FRMD4A: variants seen among roughly 807,000 people sequenced by gnomAD.
FRMD4A encodes FERM domain-containing protein 4A.
A neutral mutation model predicts 129.1 loss-of-function variants in FRMD4A; 29 were observed. That is an observed-to-expected ratio of 0.22 (90% CI 0.17 to 0.31). The LOEUF (loss-of-function observed/expected upper bound fraction) is 0.31. FRMD4A is among the 10% of genes least tolerant of loss of function. The pLI, the probability that FRMD4A is intolerant of heterozygous loss-of-function variation, is 1.00. For synonymous variants in FRMD4A, 634 were observed against 571.6 expected (o/e 1.11, Z -1.56); for missense variants, 1,272 against 1,375.8 (o/e 0.92, Z 1.19).
At chr10:14,221,331 A>G (rs544263018) in intron 2 of FRMD4A, among the ~76,000 whole-genome samples, 3 of 152,152 alleles carry the variant, frequency 2.0e-5, no homozygotes, top group Non-Finnish European at 4.4e-5. Flanking sequence ...GCTTTGGGGA[A>G]GGGAGCCAAG....
intron 2 of FRMD4A, among the ~76,000 whole-genome samples, chr10:14,214,236 C>T (rs530202851): frequency 6.6e-6 from 1 of 152,302 alleles, no homozygotes; most frequent in Non-Finnish European, 1.5e-5. Context: ...GAAATGACAC[C>T]TCCTAGAGAA....
At chr10:13,871,431 A>G (rs553398874) in intron 2 of FRMD4A, among the ~76,000 whole-genome samples, 1 of 152,224 alleles carries the variant, frequency 6.6e-6, no homozygotes, top group Admixed American at 6.5e-5. Flanking sequence ...AAAATCTGAC[A>G]AGTTGCTCTA....
intron 2 of FRMD4A, among the ~76,000 whole-genome samples, chr10:14,191,347 G>C (rs1440789471): frequency 3.3e-5 from 5 of 152,204 alleles, no homozygotes; most frequent in Non-Finnish European, 4.4e-5. Flanking sequence ...CAGTCGTTGA[G>C]AGAAAGCAGA....
rs1340101901 is a variant in FRMD4A at position 13,969,825 on chromosome 10, T to TG, written c.46-110914dup. On this transcript the variant is annotated intron_variant, in intron 2 of 24. Coordinates refer to ENST00000357447, the MANE Select transcript of FRMD4A (RefSeq NM_018027.5). Reference sequence around the variant, plus strand: ...TTGCACCACTGCACTGCAGCCTGGGTGACAGAGCAATAACCTGTTCCCTCC... The same window carrying TG: ...TTGCACCACTGCACTGCAGCCTGGGTGGACAGAGCAATAACCTGTTCCCTCC... Among the ~76,000 whole-genome samples, 3 of 152,078 alleles carry TG rather than the reference T, an allele frequency of 2.0e-5. No individual in the cohort carries two copies. In the East Asian group the frequency reaches 5.8e-4, roughly 29 times the overall value.
intron 2 of FRMD4A, among the ~76,000 whole-genome samples, chr10:13,862,376 A>G (rs1414952895): frequency 2.0e-5 from 3 of 152,234 alleles, no homozygotes; most frequent in African/African-American, 2.4e-5. Context: ...AATATTTCCA[A>G]GCTCACAAAG....
intron 3 of FRMD4A, among the ~76,000 whole-genome samples, chr10:13,848,603 TGTGTAC>T (rs1488383970): frequency 2.0e-5 from 2 of 101,714 alleles, no homozygotes; most frequent in African/African-American, 3.6e-5. Flanking sequence ...TGAGTGTGTG[TGTGTAC>T]GTGTGTGTGT....
chr10:13,654,089 C>G (rs1405165882), intron 23 of FRMD4A: 1 of 485,100 alleles, frequency 2.1e-6, no homozygotes, highest in Non-Finnish European at 3.6e-6. Flanking sequence ...TTTGAGTCAG[C>G]CTGAGTATAA....
chr10:13,714,614 CT>C (rs1027164628), intron 12 of FRMD4A, among the ~76,000 whole-genome samples: 1 of 152,012 alleles, frequency 6.6e-6, no homozygotes, highest in African/African-American at 2.4e-5. Flanking sequence ...TTGTAGCGAG[CT>C]TACAATCTAC....
chr10:13,852,532 A>C (rs908667978), intron 3 of FRMD4A, among the ~76,000 whole-genome samples: 2 of 152,126 alleles, frequency 1.3e-5, no homozygotes, highest in African/African-American at 4.8e-5. Flanking sequence ...CCAAGATTTT[A>C]ATTTTTTTAG....
chr10:14,223,556 C>T (rs1843331656), intron 2 of FRMD4A, among the ~76,000 whole-genome samples: 1 of 152,074 alleles, frequency 6.6e-6, no homozygotes, highest in South Asian at 2.1e-4. Flanking sequence ...GCCTGGACAA[C>T]ATAGGGAAAC....
intron 9 of FRMD4A, among the ~76,000 whole-genome samples, chr10:13,741,395 G>A (rs6602680): frequency 0.61 from 93,108 of 151,922 alleles, 29,391 homozygotes; most frequent in East Asian, 0.95. Flanking sequence ...AGGCTGCAGT[G>A]AGCTACAATT....
chr10:13,974,016 GTTC>G (rs1315280615), intron 2 of FRMD4A, among the ~76,000 whole-genome samples: 1 of 135,384 alleles, frequency 7.4e-6, no homozygotes, highest in South Asian at 2.4e-4. Context: ...GATAGGGACA[GTTC>G]TTTTTTTTTT....
intron 2 of FRMD4A, chr10:13,890,496 G>C (rs115915474): frequency 1.3e-5 from 13 of 972,612 alleles, no homozygotes; most frequent in Non-Finnish European, 1.5e-5. Context: ...GAGGTGGAAG[G>C]GGGGTACCAG....
intron 14 of FRMD4A, among the ~76,000 whole-genome samples, chr10:13,698,310 G>C (rs919894902): frequency 6.6e-6 from 1 of 152,176 alleles, no homozygotes; most frequent in Non-Finnish European, 1.5e-5. Context: ...TTCAGAGAAA[G>C]GAATGGTTGG....
intron 2 of FRMD4A, among the ~76,000 whole-genome samples, chr10:14,101,726 T>TAACAC (rs59561035): frequency 0.11 from 15,534 of 146,410 alleles, 1,350 homozygotes; most frequent in East Asian, 0.24. Flanking sequence ...GCCTGGCTTC[T>TAACAC]AACACAACAC....
chr10:14,209,193 T>C (rs1434126327), intron 2 of FRMD4A, among the ~76,000 whole-genome samples: 1 of 152,174 alleles, frequency 6.6e-6, no homozygotes, highest in African/African-American at 2.4e-5. Context: ...GTGTCTCTCC[T>C]GACACTTTTC....
At chr10:14,148,761 CAAA>C (rs1330642686) in intron 2 of FRMD4A, among the ~76,000 whole-genome samples, 3 of 102,640 alleles carry the variant, frequency 2.9e-5, no homozygotes, top group Admixed American at 1.1e-4. Flanking sequence ...GACTCTGTCT[CAAA>C]AAAAAAAAAA....
intron 6 of FRMD4A, among the ~76,000 whole-genome samples, chr10:13,778,774 C>G (rs943666264): frequency 6.6e-6 from 1 of 152,216 alleles, no homozygotes; most frequent in Admixed American, 6.5e-5. Flanking sequence ...AGCCTCCCTC[C>G]AGGGTGCACC....
intron 2 of FRMD4A, among the ~76,000 whole-genome samples, chr10:14,080,132 T>C (rs1409749): frequency 1 from 152,181 of 152,288 alleles, 76,037 homozygotes; most frequent in Middle Eastern, 1. Context: ...CCTGCAGCAA[T>C]GGCTAGTGGG....
Sources: allele counts gnomAD v4.1 joint callset (sites outside exome capture counted in the v4.1 genomes callset), GRCh38; gene constraint gnomAD v4.1.1; transcripts MANE v1.5; gene names NCBI Gene and HGNC (gene_info 2026-07-23, HGNC 2026-07-21).